The following TMEM35A variants were observed in gnomAD, a reference collection of about 807,000 sequenced individuals.
TMEM35A encodes nicotinic acetylcholine receptor chaperone.
For missense variants in TMEM35A, 83 were observed against 132.7 expected (o/e 0.63, Z 1.84); for synonymous variants, 50 against 54.7 (o/e 0.91, Z 0.38).
At chrX:101,090,979 A>G (rs764891901) in intron 1 of TMEM35A, among the ~76,000 whole-genome samples, 81 of 110,223 alleles carry the variant, frequency 7.3e-4, no homozygotes, top group Non-Finnish European at 1.2e-3. Flanking sequence ...TGGGACTTAT[A>G]GGCATGTGCC....
chrX:101,087,673 T>C (rs2089311440), intron 1 of TMEM35A, among the ~76,000 whole-genome samples: 1 of 111,551 alleles, frequency 9.0e-6, no homozygotes, highest in Admixed American at 9.7e-5. Context: ...ACCTGAATAA[T>C]GGGTGGTTAA....
At chrX:101,090,982 CATGTGCCACCACGCCTGGGT>C (rs2089322509) in intron 1 of TMEM35A, among the ~76,000 whole-genome samples, 2 of 110,656 alleles carry the variant, frequency 1.8e-5, no homozygotes, top group Non-Finnish European at 3.8e-5. Context: ...GACTTATAGG[CATGTGCCACCACGCCTGGGT>C]AATTTTTTTT....
chrX:101,083,518 C>A (rs1301218966), intron 1 of TMEM35A, among the ~76,000 whole-genome samples: 1 of 111,524 alleles, frequency 9.0e-6, no homozygotes, highest in African/African-American at 3.3e-5. Flanking sequence ...AGTTAAGTGC[C>A]CTTCTGTTTA....
At chrX:101,093,106 T>C (rs1163405317) in intron 1 of TMEM35A, among the ~76,000 whole-genome samples, 2 of 111,382 alleles carry the variant, frequency 1.8e-5, no homozygotes, top group African/African-American at 3.3e-5. Context: ...TTCTGAAATA[T>C]AACAAATTCC....
Position 101,095,287 on chromosome X carries a change from CTG to C in TMEM35A, c.*354_*355del, listed in dbSNP as rs763405322. ...GTGTGGGAAAATGTATTTAACTACT[CTG>C]TGTGTGTGTGTGTGTGTGTGTGCGC... On this transcript the variant is annotated 3_prime_UTR_variant, in exon 2 of 2. Transcript: ENST00000372930. 0.023 allele frequency: 3,229 copies of C among 142,428 alleles called. 153 individuals carry two copies. Among genetic ancestry groups the C allele is most frequent in the African/African-American group, 0.12 (2,985 of 24,187 alleles). The allele number at this position is 142,428 out of a possible 1,213,427, so 11.7% of individuals were successfully genotyped here.
chrX:101,092,412 C>G (rs2089326669), intron 1 of TMEM35A, among the ~76,000 whole-genome samples: 1 of 111,523 alleles, frequency 9.0e-6, no homozygotes, highest in Non-Finnish European at 1.9e-5. Context: ...TTATACAGAT[C>G]TCTATTTATG....
At position 101,094,911 on chromosome X, in the gene TMEM35A, C is replaced by T; in HGVS notation, c.459C>T (p.Pro153=). The T allele has an allele frequency of 8.3e-7, 1 of 1,205,438 alleles. No homozygotes were observed. The highest frequency in any genetic ancestry group is 1.1e-6 in the Non-Finnish European group (1 of 894,122). Residue 153 remains proline, a synonymous_variant, in exon 2 of 2, where the codon CCC becomes CCT. Transcript: ENST00000372930. ...KPLPGNAEEQ[P]SLYEKAPQGK... is the part of the protein sequence containing the mutation. ...TGCCAGGGAATGCTGAGGAGCAACC[C>T]TCCTTATATGAGAAGGCCCCTCAGG...
chrX:101,081,053 G>A (rs1444329818), intron 1 of TMEM35A, among the ~76,000 whole-genome samples: 1 of 112,026 alleles, frequency 8.9e-6, no homozygotes, highest in Non-Finnish European at 1.9e-5. Flanking sequence ...GCAGCCTAAT[G>A]AAAGGCAGAA....
At chrX:101,094,395 G>A (rs994630163) in intron 1 of TMEM35A, 178 bp from the exon 2 acceptor site, 1 of 402,084 alleles carries the variant, frequency 2.5e-6, no homozygotes, top group Non-Finnish European at 4.0e-6. Context: ...GATTACAGGT[G>A]TGAGCCACTG....
chrX:101,085,472 G>A (rs904958792), intron 1 of TMEM35A, among the ~76,000 whole-genome samples: 3 of 110,793 alleles, frequency 2.7e-5, no homozygotes, highest in Admixed American at 9.7e-5. Flanking sequence ...GCGTCAGCGG[G>A]CGTCTGTAGT....
At chrX:101,093,888 G>A (rs2148111813) in intron 1 of TMEM35A, among the ~76,000 whole-genome samples, 1 of 111,375 alleles carries the variant, frequency 9.0e-6, no homozygotes, top group East Asian at 2.8e-4. Context: ...TCCTCACATG[G>A]CAGAAGGGGC....
chrX:101,090,346 G>C (rs1230264799), intron 1 of TMEM35A, among the ~76,000 whole-genome samples: 2 of 52,285 alleles, frequency 3.8e-5, no homozygotes, highest in Admixed American at 2.3e-4. Context: ...TTTTTTTTTT[G>C]TAGTAGAGAC....
At chrX:101,086,265 C>T (rs922232967) in intron 1 of TMEM35A, among the ~76,000 whole-genome samples, 2 of 111,665 alleles carry the variant, frequency 1.8e-5, no homozygotes, top group Non-Finnish European at 3.8e-5. Flanking sequence ...GAACTACAGA[C>T]GTGTGCCACC....
At chrX:101,080,684 C>T (rs899979771) in intron 1 of TMEM35A, among the ~76,000 whole-genome samples, 1 of 110,076 alleles carries the variant, frequency 9.1e-6, no homozygotes, top group Non-Finnish European at 1.9e-5. Flanking sequence ...CATTATATTT[C>T]TGTCTTGGTG....
chrX:101,085,965 A>G (rs1458563392), intron 1 of TMEM35A, among the ~76,000 whole-genome samples: 1 of 111,747 alleles, frequency 8.9e-6, no homozygotes, highest in Non-Finnish European at 1.9e-5. Flanking sequence ...AATAAAATTT[A>G]AAAATAACAA....
chrX:101,091,316 T>G (rs1226876574), intron 1 of TMEM35A, among the ~76,000 whole-genome samples: 2 of 107,271 alleles, frequency 1.9e-5, no homozygotes, highest in Non-Finnish European at 3.9e-5. Flanking sequence ...TTTTTTTTTT[T>G]TTTCCAGACA....
At position 101,095,110 on chromosome X, in the gene TMEM35A, T is replaced by C. The variant is rs1216681051; in HGVS notation, c.*154T>C. 3.3e-6 allele frequency: 2 copies of C among 610,401 alleles called. No homozygotes were observed. Among genetic ancestry groups the C allele is most frequent in the East Asian group, 7.4e-5 (2 of 26,939 alleles). The allele number at this position is 610,401 out of a possible 1,213,427, so 50.3% of individuals were successfully genotyped here. Reference sequence around the variant, plus strand: ...GACCCTATTGGCTTGTGTACATCTATATGCTAAAATGACTTCCCCACATTG... The same window carrying C: ...GACCCTATTGGCTTGTGTACATCTACATGCTAAAATGACTTCCCCACATTG... On this transcript the variant is annotated 3_prime_UTR_variant, in exon 2 of 2. Coordinates refer to ENST00000372930, the MANE Select transcript of TMEM35A (RefSeq NM_021637.3).
Position 101,094,910 on chromosome X carries a change from C to A in TMEM35A, c.458C>A (p.Pro153His). 8.3e-7 allele frequency: 1 copy of A among 1,205,480 alleles called. No individual in the cohort carries two copies. Among genetic ancestry groups the A allele is most frequent in the African/African-American group, 1.7e-5 (1 of 57,717 alleles). Residue 153 changes from proline to histidine, a missense_variant, in exon 2 of 2, where the codon CCC (proline) becomes CAC (histidine). Pro to His is a moderately conservative substitution (Grantham distance 77). Coordinates refer to ENST00000372930, the MANE Select transcript of TMEM35A (RefSeq NM_021637.3). Reference protein sequence around the residue: ...KPLPGNAEEQPSLYEKAPQGK... With the variant: ...KPLPGNAEEQHSLYEKAPQGK... ...TTGCCAGGGAATGCTGAGGAGCAAC[C>A]CTCCTTATATGAGAAGGCCCCTCAG...
chrX:101,090,978 T>C (rs1044281909), intron 1 of TMEM35A, among the ~76,000 whole-genome samples: 16 of 110,653 alleles, frequency 1.4e-4, no homozygotes, highest in African/African-American at 4.9e-4. Context: ...CTGGGACTTA[T>C]AGGCATGTGC....
Sources: allele counts gnomAD v4.1 joint callset (sites outside exome capture counted in the v4.1 genomes callset), GRCh38; gene constraint gnomAD v4.1.1; transcripts MANE v1.5; gene names NCBI Gene and HGNC (gene_info 2026-07-23, HGNC 2026-07-21).